GIN1: variants seen among roughly 807,000 people sequenced by gnomAD.
The protein encoded by GIN1 is gypsy retrotransposon integrase-like protein 1.
In GIN1, 41 loss-of-function variants were observed where a neutral mutation model predicts 51.4. That is an observed-to-expected ratio of 0.80 (90% confidence interval 0.62 to 1.04). The LOEUF (loss-of-function observed/expected upper bound fraction) is 1.04, where lower values mean the gene tolerates loss of function less well. Ranked by LOEUF, GIN1 falls within the 50% of genes least tolerant of loss-of-function variation. The pLI, the probability that GIN1 is intolerant of heterozygous loss-of-function variation, is 0.00. For synonymous variants in GIN1, 222 were observed against 206.5 expected (o/e 1.07, Z -0.64); for missense variants, 610 against 612.4 (o/e 1.00, Z 0.04).
intron 1 of GIN1, among the ~76,000 whole-genome samples, chr5:103,115,882 G>C (rs1712865698): frequency 6.6e-6 from 1 of 152,080 alleles, no homozygotes; most frequent in African/African-American, 2.4e-5. Context: ...CACAAATAGA[G>C]GGATTCGTCC....
intron 1 of GIN1, among the ~76,000 whole-genome samples, chr5:103,113,748 C>G (rs77951276): frequency 2.0e-5 from 3 of 152,064 alleles, no homozygotes; most frequent in Non-Finnish European, 4.4e-5. Context: ...TCTCGAACTC[C>G]TGACCTCAAG....
Position 103,104,638 on chromosome 5 carries a change from G to GAA in GIN1, c.540_541dup (p.Ser181PhefsTer23), listed in dbSNP as rs782230063. ...AATAGCTTTAGAAACTTCTGATGCT[G>GAA]AAACATCACATAGAGGCAAAATCAC... On this transcript the variant is annotated frameshift_variant, in exon 4 of 8. Coordinates refer to ENST00000399004, the MANE Select transcript of GIN1 (RefSeq NM_017676.2). LOFTEE classifies it high-confidence loss of function. The GAA allele has an allele frequency of 6.3e-7, 1 of 1,595,922 alleles. No individual in the cohort carries two copies. Among genetic ancestry groups the GAA allele is most frequent in the Non-Finnish European group, 8.6e-7 (1 of 1,163,516 alleles).
chr5:103,096,249 A>AATTC (rs1787388909), intron 7 of GIN1, among the ~76,000 whole-genome samples: 1 of 152,028 alleles, frequency 6.6e-6, no homozygotes. Context: ...AGGCTGAGGC[A>AATTC]GAATTGCTTG....
intron 1 of GIN1, among the ~76,000 whole-genome samples, chr5:103,116,198 T>C (rs1554197364): frequency 6.6e-6 from 1 of 152,102 alleles, no homozygotes. Flanking sequence ...GAGAAATGAA[T>C]ATAGTTGAAG....
intron 4 of GIN1, among the ~76,000 whole-genome samples, chr5:103,099,983 A>C (rs1476355606): frequency 6.6e-6 from 1 of 152,224 alleles, no homozygotes; most frequent in African/African-American, 2.4e-5. Context: ...CTTTCTGTGT[A>C]ATAGTGAAGC....
intron 7 of GIN1, 146 bp from the exon 8 acceptor site, chr5:103,088,318 A>C: frequency 2.0e-6 from 1 of 501,346 alleles, no homozygotes; most frequent in Non-Finnish European, 3.5e-6. Flanking sequence ...CTGTCTACTA[A>C]ATATGAATGT....
At chr5:103,103,629 T>C (rs1787637506) in intron 4 of GIN1, among the ~76,000 whole-genome samples, 1 of 152,218 alleles carries the variant, frequency 6.6e-6, no homozygotes, top group South Asian at 2.1e-4. Flanking sequence ...AAAGTTTTCA[T>C]ATATATTCTC....
rs114316914 is a variant in GIN1, at chr5:103,111,410, C to T, written c.-7-2696G>A. On this transcript the variant is annotated intron_variant, in intron 1 of 7. Transcript: ENST00000399004. Reference sequence around the variant, plus strand: ...TTTTGGAACTATCAATGTCACAAATCGTCTAAGCAATCCAAAGGAAAATCT... The same window carrying T: ...TTTTGGAACTATCAATGTCACAAATTGTCTAAGCAATCCAAAGGAAAATCT... Among the ~76,000 whole-genome samples the T allele has an allele frequency of 2.2e-3, 333 of 152,212 alleles. 1 individual carries two copies. Among genetic ancestry groups the T allele is most frequent in the African/African-American group, 7.8e-3 (324 of 41,538 alleles).
At chr5:103,092,899 T>C (rs1044215864) in intron 7 of GIN1, among the ~76,000 whole-genome samples, 1 of 143,390 alleles carries the variant, frequency 7.0e-6, no homozygotes, top group South Asian at 2.2e-4. Flanking sequence ...TGAGCTATTA[T>C]TGTGCAACTG....
chr5:103,099,864 A>T (rs1787519634), intron 4 of GIN1, among the ~76,000 whole-genome samples: 1 of 152,188 alleles, frequency 6.6e-6, no homozygotes, highest in South Asian at 2.1e-4. Context: ...ATTTTTATTC[A>T]ACTATACAAT....
At chr5:103,115,538 G>A (rs548146213) in intron 1 of GIN1, among the ~76,000 whole-genome samples, 2 of 152,236 alleles carry the variant, frequency 1.3e-5, no homozygotes, top group African/African-American at 4.8e-5. Context: ...GAGAATGTAA[G>A]AGTTATTATT....
intron 1 of GIN1, among the ~76,000 whole-genome samples, chr5:103,116,811 T>C (rs977518822): frequency 6.6e-6 from 1 of 151,740 alleles, no homozygotes; most frequent in South Asian, 2.1e-4. Flanking sequence ...AATAAACACA[T>C]GAAAAAATGC....
intron 1 of GIN1, among the ~76,000 whole-genome samples, chr5:103,113,449 T>C (rs1332159863): frequency 1.3e-5 from 2 of 151,694 alleles, no homozygotes; most frequent in African/African-American, 4.8e-5. Context: ...TCAGACTCTT[T>C]AAAATACAGG....
chr5:103,104,013 G>A (rs189625423), intron 4 of GIN1, among the ~76,000 whole-genome samples: 107 of 152,128 alleles, frequency 7.0e-4, no homozygotes, highest in African/African-American at 2.4e-3. Flanking sequence ...GAGTGCAGTG[G>A]TGCAATCTTG....
chr5:103,117,039 A>G (rs1562338457), intron 1 of GIN1, among the ~76,000 whole-genome samples: 1 of 152,204 alleles, frequency 6.6e-6, no homozygotes. Context: ...AGCAATACCA[A>G]TCTTAGATAC....
At chr5:103,100,902 T>G (rs1787554255) in intron 4 of GIN1, among the ~76,000 whole-genome samples, 1 of 152,124 alleles carries the variant, frequency 6.6e-6, no homozygotes, top group Non-Finnish European at 1.5e-5. Flanking sequence ...AATTTTGAAT[T>G]TTGATGCCTA....
Position 103,086,525 on chromosome 5 carries a change from TTACAA to T in GIN1, c.*1368_*1372del, listed in dbSNP as rs1201741346. 11 of 152,318 alleles carry T rather than the reference TTACAA, an allele frequency of 7.2e-5. No homozygotes were observed. In the East Asian group the frequency reaches 1.4e-3, roughly 19 times the overall value. The allele number at this position is 152,318 out of a possible 1,614,324, so 9.4% of individuals were successfully genotyped here. On this transcript the variant is annotated 3_prime_UTR_variant, in exon 8 of 8. Transcript: ENST00000399004. ...AGAAGCCCTGCCTTTTTATGAATCA[TTACAA>T]TACTTTTCCATTTCTGTGTATTACT...
intron 7 of GIN1, among the ~76,000 whole-genome samples, chr5:103,090,904 C>T (rs1478363969): frequency 2.0e-5 from 3 of 147,118 alleles, no homozygotes; most frequent in Non-Finnish European, 4.6e-5. Context: ...CACACGAACA[C>T]ACACACACAC....
intron 1 of GIN1, among the ~76,000 whole-genome samples, chr5:103,114,134 G>A (rs1249484166): frequency 6.6e-6 from 1 of 152,100 alleles, no homozygotes; most frequent in Non-Finnish European, 1.5e-5. Context: ...CTCTGGCTAG[G>A]TGTAATTTCC....
Sources: allele counts gnomAD v4.1 joint callset (sites outside exome capture counted in the v4.1 genomes callset), GRCh38; gene constraint gnomAD v4.1.1; transcripts MANE v1.5; gene names NCBI Gene and HGNC (gene_info 2026-07-23, HGNC 2026-07-21).